Variants in TLK1 observed in about 807,000 individuals in gnomAD.
TLK1 encodes tousled like kinase 1, also known as serine/threonine-protein kinase tousled-like 1.
Under a neutral mutation model 105.3 loss-of-function variants are expected in TLK1, and 24 were observed. The ratio of observed to expected loss-of-function variants is 0.23; its 90% confidence interval spans 0.17 to 0.32. TLK1 has a LOEUF of 0.32. Among genes scored for constraint, TLK1 ranks in the 10% least tolerant of loss-of-function variants. The pLI, the probability that TLK1 is intolerant of heterozygous loss-of-function variation, is 1.00. For missense variants in TLK1, 558 were observed against 910.5 expected, an observed-to-expected ratio of 0.61 and a Z score of 4.98; for synonymous variants, 321 against 310.4, an observed-to-expected ratio of 1.03 and a Z score of -0.36.
chr2:171,195,892 G>T (rs529217452), intron 1 of TLK1, among the ~76,000 whole-genome samples: 15 of 152,114 alleles, frequency 9.9e-5, no homozygotes, highest in Admixed American at 2.6e-4. Context: ...TGCAATGTTC[G>T]TGTGTGCCTG....
intron 1 of TLK1, among the ~76,000 whole-genome samples, chr2:171,218,039 G>A (rs1056557982): frequency 6.6e-6 from 1 of 152,168 alleles, no homozygotes; most frequent in African/African-American, 2.4e-5. Context: ...AGATCACAAG[G>A]TCAGGAGATC....
chr2:171,152,653 G>C (rs1434044942), intron 1 of TLK1, among the ~76,000 whole-genome samples: 1 of 152,090 alleles, frequency 6.6e-6, no homozygotes, highest in Admixed American at 6.6e-5. Context: ...CAGAGTCAAA[G>C]ATCTGCCACT....
At chr2:171,112,232 G>A (rs1362586700) in intron 2 of TLK1, among the ~76,000 whole-genome samples, 1 of 152,200 alleles carries the variant, frequency 6.6e-6, no homozygotes, top group Non-Finnish European at 1.5e-5. Flanking sequence ...TTACAGGTGT[G>A]AGCCACCACG....
upstream of TLK1, among the ~76,000 whole-genome samples, chr2:171,162,735 A>G (rs911162799): frequency 1.3e-5 from 2 of 152,108 alleles, no homozygotes; most frequent in African/African-American, 4.8e-5. Context: ...TTTCCATTTC[A>G]TAGAATTTTA....
At chr2:171,042,598 C>T (rs1686736498) in intron 11 of TLK1, among the ~76,000 whole-genome samples, 1 of 151,928 alleles carries the variant, frequency 6.6e-6, no homozygotes, top group Non-Finnish European at 1.5e-5. Context: ...ACACCAAACA[C>T]TGTGCTAGGC....
chr2:171,095,903 T>C (rs969404216), intron 2 of TLK1, among the ~76,000 whole-genome samples: 1 of 152,050 alleles, frequency 6.6e-6, no homozygotes, highest in Admixed American at 6.6e-5. Context: ...AGCCCACAGC[T>C]AATTTCATAC....
intron 12 of TLK1, among the ~76,000 whole-genome samples, chr2:171,016,176 C>G (rs1482884194): frequency 6.6e-6 from 1 of 152,182 alleles, no homozygotes; most frequent in Non-Finnish European, 1.5e-5. Context: ...TTTTTTCACT[C>G]TGTCACTCAG....
At chr2:171,151,677 G>GT (rs1225891336) in intron 1 of TLK1, among the ~76,000 whole-genome samples, 1 of 151,186 alleles carries the variant, frequency 6.6e-6, no homozygotes, top group Non-Finnish European at 1.5e-5. Context: ...GGGTTTCACC[G>GT]TGTTAGCCAG....
chr2:171,097,832 G>C (rs1472477379), intron 2 of TLK1, among the ~76,000 whole-genome samples: 2 of 152,062 alleles, frequency 1.3e-5, no homozygotes, highest in Non-Finnish European at 2.9e-5. Flanking sequence ...GGCTCAGGCA[G>C]GAGAATCGCT....
At chr2:171,095,549 CA>C (rs1268945864) in intron 2 of TLK1, among the ~76,000 whole-genome samples, 1 of 151,890 alleles carries the variant, frequency 6.6e-6, no homozygotes, top group Non-Finnish European at 1.5e-5. Flanking sequence ...CACAAGCTAC[CA>C]AAAATGATTC....
At chr2:171,093,735 GGTAA>G (rs1689338452) in intron 2 of TLK1, among the ~76,000 whole-genome samples, 1 of 152,042 alleles carries the variant, frequency 6.6e-6, no homozygotes, top group African/African-American at 2.4e-5. Flanking sequence ...AGTTAGAATA[GGTAA>G]GTAAGATCAG....
intron 1 of TLK1, among the ~76,000 whole-genome samples, chr2:171,152,768 T>C (rs1692094275): frequency 1.3e-5 from 2 of 152,168 alleles, no homozygotes; most frequent in Non-Finnish European, 2.9e-5. Flanking sequence ...GTTCAAATTC[T>C]AGTATTTACT....
chr2:171,202,720 G>C (rs991915886), intron 1 of TLK1, among the ~76,000 whole-genome samples: 2 of 152,180 alleles, frequency 1.3e-5, no homozygotes, highest in African/African-American at 4.8e-5. Context: ...TTGCACCACT[G>C]CACTCCAGCC....
intron 12 of TLK1, among the ~76,000 whole-genome samples, chr2:171,025,363 C>T (rs1012366278): frequency 2.0e-5 from 3 of 152,144 alleles, no homozygotes; most frequent in Non-Finnish European, 4.4e-5. Context: ...TGTCCATATG[C>T]CATGGGCTTC....
At chr2:171,212,739 G>A (rs979704291) in intron 1 of TLK1, among the ~76,000 whole-genome samples, 2 of 152,160 alleles carry the variant, frequency 1.3e-5, no homozygotes, top group African/African-American at 4.8e-5. Context: ...TTAGTGATGA[G>A]AGCTTGCATT....
chr2:171,093,608 C>G (rs1029780112), intron 2 of TLK1, among the ~76,000 whole-genome samples: 2 of 151,356 alleles, frequency 1.3e-5, no homozygotes. Flanking sequence ...GGTAGGAATC[C>G]GAAAAATGTC....
intron 12 of TLK1, among the ~76,000 whole-genome samples, chr2:171,028,091 A>G (rs1685862592): frequency 1.3e-5 from 2 of 152,168 alleles, no homozygotes; most frequent in African/African-American, 4.8e-5. Flanking sequence ...TGAACCAGGG[A>G]GGTGGAGGTT....
chr2:171,225,300 C>T (rs1186497240), intron 1 of TLK1, among the ~76,000 whole-genome samples: 2 of 151,806 alleles, frequency 1.3e-5, no homozygotes, highest in Non-Finnish European at 1.5e-5. Context: ...TAAAGAAAAC[C>T]CAATTTAAAA....
At chr2:171,144,303 A>C (rs1232840408) in intron 1 of TLK1, among the ~76,000 whole-genome samples, 1 of 151,080 alleles carries the variant, frequency 6.6e-6, no homozygotes, top group Non-Finnish European at 1.5e-5. Flanking sequence ...ACAGAAAACA[A>C]ACACTATAAT....
Sources: gnomAD v4.1 joint callset for allele counts (sites outside exome capture counted in the v4.1 genomes callset) on GRCh38, gnomAD v4.1.1 for gene constraint, MANE v1.5 for transcripts, NCBI Gene and HGNC (gene_info 2026-07-23, HGNC 2026-07-21) for gene names.